The following WASHC3 variants were observed in gnomAD, a reference collection of about 807,000 sequenced individuals.
WASHC3 encodes WASH complex subunit CCDC53.
WASHC3 carries 24 observed loss-of-function variants against 26.1 expected under a neutral mutation model. That is an observed-to-expected ratio of 0.92 (90% CI 0.66 to 1.29). WASHC3 has a LOEUF of 1.29. WASHC3 is among the 50% of genes most tolerant of loss of function. The pLI is 0.00. For synonymous variants in WASHC3, 77 were observed against 75.7 expected, an observed-to-expected ratio of 1.02 and a Z score of -0.09; for missense variants, 214 against 229.6, an observed-to-expected ratio of 0.93 and a Z score of 0.44.
chr12:102,041,040 A>G (rs1877916064), intron 4 of WASHC3, among the ~76,000 whole-genome samples: 1 of 151,882 alleles, frequency 6.6e-6, no homozygotes, highest in South Asian at 2.1e-4. Context: ...AAGCAAATAA[A>G]CATCCAAAAA....
At chr12:102,026,103 A>G in intron 5 of WASHC3, 65 bp from the exon 6 acceptor site, 1 of 852,570 alleles carries the variant, frequency 1.2e-6, no homozygotes, top group East Asian at 2.7e-5. Flanking sequence ...GACACATACC[A>G]TCTAAAACAA....
chr12:102,057,790 G>A (rs1041640252), intron 2 of WASHC3, among the ~76,000 whole-genome samples: 3 of 152,054 alleles, frequency 2.0e-5, no homozygotes, highest in Admixed American at 2.0e-4. Flanking sequence ...GATAACGTGT[G>A]TTCATGGATT....
chr12:102,028,628 A>G (rs1594353906), intron 5 of WASHC3, among the ~76,000 whole-genome samples: 1 of 152,014 alleles, frequency 6.6e-6, no homozygotes, highest in Non-Finnish European at 1.5e-5. Context: ...ATAGCAAAGA[A>G]AGTGTATGTT....
At chr12:102,032,243 A>G (rs1387305325) in intron 5 of WASHC3, among the ~76,000 whole-genome samples, 1 of 152,214 alleles carries the variant, frequency 6.6e-6, no homozygotes, top group East Asian at 1.9e-4. Context: ...ATTTTAAGCC[A>G]GCCAAAGAAA....
intron 2 of WASHC3, among the ~76,000 whole-genome samples, chr12:102,059,007 T>C (rs1338962615): frequency 6.6e-6 from 1 of 152,164 alleles, no homozygotes; most frequent in Non-Finnish European, 1.5e-5. Context: ...GTACAACTCA[T>C]AGAAATATTG....
chr12:102,020,907 C>A (rs373858434), intron 6 of WASHC3, among the ~76,000 whole-genome samples: 1 of 152,208 alleles, frequency 6.6e-6, no homozygotes, highest in East Asian at 1.9e-4. Flanking sequence ...CATGGTGAAA[C>A]CCTGTCTCTA....
Position 102,012,968 on chromosome 12 carries a change from A to T in WASHC3, c.*140T>A, listed in dbSNP as rs975112588. 31 of 506,868 alleles carry T rather than the reference A, an allele frequency of 6.1e-5. No individual in the cohort carries two copies. The highest frequency in any genetic ancestry group is 9.7e-5 in the Non-Finnish European group (28 of 289,024). 31.4% of individuals were successfully genotyped at this position (506,868 alleles called of 1,614,324 possible). A position where few individuals can be genotyped will look rare whatever the true frequency, so the allele number is the denominator to read the frequency against. On this transcript the variant is annotated 3_prime_UTR_variant, in exon 7 of 7. Transcript: ENST00000240079. ...GGCAGGTTAAAACTGCTTTATTATT[A>T]TTTTTTTAACATAGAAGAAGCTTGG...
chr12:102,022,205 A>G (rs773465816), intron 6 of WASHC3, among the ~76,000 whole-genome samples: 2 of 152,222 alleles, frequency 1.3e-5, no homozygotes, highest in Admixed American at 6.5e-5. Context: ...AGAAAACAAT[A>G]TAATTTAAAA....
intron 4 of WASHC3, among the ~76,000 whole-genome samples, chr12:102,043,139 A>G (rs1027254979): frequency 6.6e-6 from 1 of 152,192 alleles, no homozygotes; most frequent in Non-Finnish European, 1.5e-5. Context: ...GTAGATTCTC[A>G]TCAGCAGTTT....
intron 2 of WASHC3, chr12:102,050,436 A>C (rs1565820379): frequency 5.0e-6 from 2 of 402,372 alleles, no homozygotes; most frequent in East Asian, 1.5e-4. Flanking sequence ...TAGATAATGT[A>C]GTAAGATGCC....
intron 2 of WASHC3, 93 bp downstream of exon 2, chr12:102,061,155 A>G: frequency 1.2e-6 from 1 of 810,588 alleles, no homozygotes; most frequent in Non-Finnish European, 2.1e-6. Context: ...GTACATGAAT[A>G]AAGACTGTAA....
chr12:102,061,552 G>A (rs1376381867), intron 1 of WASHC3, among the ~76,000 whole-genome samples: 5 of 152,224 alleles, frequency 3.3e-5, no homozygotes, highest in Non-Finnish European at 7.3e-5. Context: ...ACAGGCTCTA[G>A]ACTCACTGGT....
At chr12:102,050,179 T>A (rs1326944359) in intron 2 of WASHC3, 1 of 353,244 alleles carries the variant, frequency 2.8e-6, no homozygotes. Flanking sequence ...CCAGGTGTGG[T>A]GGCACGCACC....
intron 2 of WASHC3, among the ~76,000 whole-genome samples, chr12:102,058,822 G>A (rs1201661113): frequency 6.6e-6 from 1 of 152,014 alleles, no homozygotes; most frequent in East Asian, 1.9e-4. Context: ...ATGGATGAAT[G>A]GATTAAAAAA....
intron 4 of WASHC3, chr12:102,040,407 A>C (rs1877892855): frequency 6.6e-6 from 1 of 152,166 alleles, no homozygotes; most frequent in African/African-American, 2.4e-5. Context: ...GGTATCTAGA[A>C]TCTACCTAAT....
intron 5 of WASHC3, among the ~76,000 whole-genome samples, chr12:102,028,132 G>A (rs1877277796): frequency 6.6e-6 from 1 of 151,904 alleles, no homozygotes; most frequent in African/African-American, 2.4e-5. Flanking sequence ...ATTCAAGTTT[G>A]GAATAAAGAA....
chr12:102,046,790 G>A (rs1485556219), intron 2 of WASHC3, among the ~76,000 whole-genome samples: 1 of 152,024 alleles, frequency 6.6e-6, no homozygotes, highest in African/African-American at 2.4e-5. Context: ...ATTTGTTGAT[G>A]AATGAAGAAA....
chr12:102,025,916 A>G (rs1877163934), intron 6 of WASHC3, 58 bp downstream of exon 6: 2 of 861,968 alleles, frequency 2.3e-6, no homozygotes, highest in African/African-American at 3.4e-5. Flanking sequence ...TATTTTTATT[A>G]TAACTGACAA....
At chr12:102,031,054 G>A (rs535089815) in intron 5 of WASHC3, among the ~76,000 whole-genome samples, 11 of 152,188 alleles carry the variant, frequency 7.2e-5, no homozygotes, top group Admixed American at 7.2e-4. Context: ...AACTTTCAAG[G>A]CAACATGGAG....
Sources: gnomAD v4.1 joint callset for allele counts (sites outside exome capture counted in the v4.1 genomes callset) on GRCh38, gnomAD v4.1.1 for gene constraint, MANE v1.5 for transcripts, NCBI Gene and HGNC (gene_info 2026-07-23, HGNC 2026-07-21) for gene names.